The following GPC5 variants were observed in gnomAD, a reference collection of about 807,000 sequenced individuals.
GPC5 encodes glypican-5.
GPC5 carries 47 observed loss-of-function variants against 53.9 expected under a neutral mutation model. The observed-to-expected ratio is 0.87, with a 90% CI of 0.69 to 1.11. GPC5 has a LOEUF of 1.11. GPC5 is among the 50% of genes most tolerant of loss of function. GPC5 has a pLI of 0.00. For synonymous variants in GPC5, 286 were observed against 263.3 expected, an observed-to-expected ratio of 1.09 and a Z score of -0.84; for missense variants, 748 against 713.1, an observed-to-expected ratio of 1.05 and a Z score of -0.56.
intron 7 of GPC5, among the ~76,000 whole-genome samples, chr13:92,385,421 CATATATACATATATACATATATACAT>C (rs2043789318): frequency 3.3e-5 from 1 of 30,078 alleles, no homozygotes; most frequent in East Asian, 8.2e-4. Flanking sequence ...CATATATATA[CATATATACATATATACATATATACAT>C]ATATACATAT....
intron 7 of GPC5, among the ~76,000 whole-genome samples, chr13:92,468,972 C>A (rs1324175061): frequency 1.3e-5 from 2 of 152,088 alleles, no homozygotes; most frequent in African/African-American, 4.8e-5. Flanking sequence ...ATGCCCATGG[C>A]GTCCTATTCC....
chr13:91,917,700 C>A (rs1245787360), intron 6 of GPC5, among the ~76,000 whole-genome samples: 1 of 152,178 alleles, frequency 6.6e-6, no homozygotes, highest in African/African-American at 2.4e-5. Context: ...GGGCAAAATT[C>A]TTTCTTTGAT....
intron 7 of GPC5, among the ~76,000 whole-genome samples, chr13:92,849,757 A>G (rs1167635481): frequency 2.0e-5 from 3 of 152,254 alleles, no homozygotes; most frequent in African/African-American, 7.2e-5. Context: ...AAATATTTAA[A>G]GGGTAAAAAT....
rs146631918 is a variant in GPC5 at position 92,234,155 on chromosome 13, A to G, written c.1561+89166A>G. On this transcript the variant is annotated intron_variant, in intron 7 of 7. Coordinates refer to ENST00000377067, the MANE Select transcript of GPC5 (RefSeq NM_004466.6). ...TGTCTTTATAGCAGCATGATTTATA[A>G]TCCTTTGGGTATATACCCAGTAATG... Among the ~76,000 whole-genome samples, 1,163 of 152,236 alleles carry G rather than the reference A, an allele frequency of 7.6e-3. 13 individuals are homozygous for G. Among genetic ancestry groups the G allele is most frequent in the African/African-American group, 0.027 (1,105 of 41,534 alleles).
chr13:91,841,815 AT>A (rs1473828671), intron 5 of GPC5, among the ~76,000 whole-genome samples: 1 of 152,156 alleles, frequency 6.6e-6, no homozygotes, highest in African/African-American at 2.4e-5. Flanking sequence ...CTGACAAACT[AT>A]TTCAGTGAGT....
intron 6 of GPC5, among the ~76,000 whole-genome samples, chr13:91,984,991 G>A (rs747459968): frequency 2.0e-5 from 3 of 152,122 alleles, no homozygotes; most frequent in Non-Finnish European, 4.4e-5. Flanking sequence ...AGCCAAATTG[G>A]CAAATTGTAC....
In GPC5 at chr13:91,818,033, AG is replaced by A. The variant is rs1206564346; in HGVS notation, c.1280+61616del. 4.6e-5 allele frequency among the ~76,000 whole-genome samples: 7 copies of A among 152,282 alleles called. 1 individual carries two copies. Among genetic ancestry groups the A allele is most frequent in the African/African-American group, 1.7e-4 (7 of 41,584 alleles). On this transcript the variant is annotated intron_variant, in intron 5 of 7. Transcript: ENST00000377067. Reference sequence around the variant, plus strand: ...AACAGTAAGGAAAATTTCACCTAAAAGGGTATTTTAATAGTCTGATTACTGG... The same window carrying A: ...AACAGTAAGGAAAATTTCACCTAAAAGGTATTTTAATAGTCTGATTACTGG...
chr13:92,640,483 G>A (rs9589607), intron 7 of GPC5, among the ~76,000 whole-genome samples: 8,101 of 152,032 alleles, frequency 0.053, 750 homozygotes, highest in African/African-American at 0.18. Flanking sequence ...GATGGTCTCA[G>A]TCTCCTGACC....
At chr13:92,129,609 T>G (rs1319513578) in intron 6 of GPC5, among the ~76,000 whole-genome samples, 2 of 152,098 alleles carry the variant, frequency 1.3e-5, no homozygotes, top group African/African-American at 4.8e-5. Context: ...GTAGACAAAC[T>G]GGATGAAATG....
intron 7 of GPC5, among the ~76,000 whole-genome samples, chr13:92,169,056 A>G (rs2042051179): frequency 6.6e-6 from 1 of 152,188 alleles, no homozygotes; most frequent in Non-Finnish European, 1.5e-5. Context: ...GGAAGCCATT[A>G]TCCTCAGCAA....
At chr13:92,621,533 T>G (rs1884867589) in intron 7 of GPC5, among the ~76,000 whole-genome samples, 1 of 152,168 alleles carries the variant, frequency 6.6e-6, no homozygotes. Context: ...TAAGGAAATA[T>G]TTCTTGGCCA....
intron 5 of GPC5, among the ~76,000 whole-genome samples, chr13:91,883,487 A>G (rs776201555): frequency 9.2e-5 from 14 of 152,220 alleles, no homozygotes; most frequent in Non-Finnish European, 1.9e-4. Flanking sequence ...GCATTTGAGG[A>G]GAGACTTGAA....
intron 5 of GPC5, among the ~76,000 whole-genome samples, chr13:91,857,879 T>C (rs1277684960): frequency 6.6e-6 from 1 of 151,602 alleles, no homozygotes; most frequent in African/African-American, 2.4e-5. Context: ...TTCAGATCAC[T>C]ATATGGATTT....
At chr13:92,776,430 C>T (rs117651795) in intron 7 of GPC5, among the ~76,000 whole-genome samples, 1,712 of 152,270 alleles carry the variant, frequency 0.011, 17 homozygotes, top group Middle Eastern at 0.017. Context: ...GGGGCCCACC[C>T]GGATAATTCA....
At chr13:92,559,334 G>C (rs953529140) in intron 7 of GPC5, among the ~76,000 whole-genome samples, 2 of 109,884 alleles carry the variant, frequency 1.8e-5, no homozygotes, top group Non-Finnish European at 3.2e-5. Flanking sequence ...GTGTATATGT[G>C]TGTGTGTGTG....
Position 91,693,743 on chromosome 13 carries a change from A to G in GPC5, c.882A>G (p.Ala294=), listed in dbSNP as rs773147170. Residue 294 remains alanine (A), a synonymous_variant, in exon 3 of 8, where the codon GCA becomes GCG. Coordinates refer to ENST00000377067, the MANE Select transcript of GPC5 (RefSeq NM_004466.6). Reference sequence around the variant, plus strand: ...CGGAGCTTAATCCACACTGGCATGCATATATCCGGTCGTTGGAAGAACTCT... The same window carrying G: ...CGGAGCTTAATCCACACTGGCATGCGTATATCCGGTCGTTGGAAGAACTCT... ...HMAELNPHWH[A]YIRSLEELSD... 72 of 1,614,080 alleles carry G rather than the reference A, an allele frequency of 4.5e-5. No individual in the cohort carries two copies. In the Admixed American group the frequency reaches 8.5e-4, roughly 19 times the overall value.
At chr13:92,118,343 G>A (rs770269551) in intron 6 of GPC5, among the ~76,000 whole-genome samples, 2 of 151,972 alleles carry the variant, frequency 1.3e-5, no homozygotes, top group Admixed American at 6.6e-5. Context: ...TGCTAGATTT[G>A]ATTTCTTAAT....
rs1594098979 is a variant in GPC5 at position 92,321,608 on chromosome 13, CATA to C, written c.1561+176620_1561+176622del. 6.9e-5 allele frequency among the ~76,000 whole-genome samples: 5 copies of C among 72,708 alleles called. No individual in the cohort carries two copies. In the East Asian group the frequency reaches 2.4e-3, roughly 35 times the overall value. The allele number at this position is 72,708 out of a possible 152,430, so 47.7% of individuals were successfully genotyped here. A position where few individuals can be genotyped will look rare whatever the true frequency, so the allele number is the denominator to read the frequency against. ...AGAGCGAGACTCCATCTCAAACATA[CATA>C]CATACATACATACATACATACATAC... On this transcript the variant is annotated intron_variant, in intron 7 of 7. Transcript: ENST00000377067.
chr13:91,808,338 C>T (rs1258299399), intron 5 of GPC5, among the ~76,000 whole-genome samples: 1 of 152,102 alleles, frequency 6.6e-6, no homozygotes, highest in Non-Finnish European at 1.5e-5. Flanking sequence ...TGTAGCTCTG[C>T]CGATTTTGTG....
Sources: gnomAD v4.1 joint callset for allele counts (sites outside exome capture counted in the v4.1 genomes callset) on GRCh38, gnomAD v4.1.1 for gene constraint, MANE v1.5 for transcripts, NCBI Gene and HGNC (gene_info 2026-07-23, HGNC 2026-07-21) for gene names.